SLIT1: variants seen among roughly 807,000 people sequenced by gnomAD.
SLIT1 encodes slit homolog 1 protein.
Under a neutral mutation model 186.1 loss-of-function variants are expected in SLIT1, and 66 were observed. The ratio of observed to expected loss-of-function variants is 0.35; its 90% CI spans 0.29 to 0.44. SLIT1 has a LOEUF of 0.44. Among genes scored for constraint, SLIT1 ranks in the 20% least tolerant of loss-of-function variants. The pLI is 1.00. For synonymous variants in SLIT1, 761 were observed against 833.8 expected (o/e 0.91, Z 1.50); for missense variants, 1,638 against 2,037.4 (o/e 0.80, Z 3.77).
chr10:97,035,282 A>G (rs2134614150), intron 22 of SLIT1, among the ~76,000 whole-genome samples: 1 of 152,192 alleles, frequency 6.6e-6, no homozygotes, highest in South Asian at 2.1e-4. Flanking sequence ...GTTTAGTCCA[A>G]TCTGGGTGCC....
rs182380576 is a variant in SLIT1 at position 97,166,917 on chromosome 10, G to A, written c.198-2027C>T. Among the ~76,000 whole-genome samples, 36 of 152,286 alleles carry A rather than the reference G, an allele frequency of 2.4e-4. No homozygotes were observed. In the East Asian group the frequency reaches 5.2e-3, roughly 22 times the overall value. Reference sequence around the variant, plus strand: ...ATTGACAGAACAGGAATCTGAACCCGTGGCCATCTGACCCGCGGGCCCAGG... The same window carrying A: ...ATTGACAGAACAGGAATCTGAACCCATGGCCATCTGACCCGCGGGCCCAGG... On this transcript the variant is annotated intron_variant, in intron 1 of 36. Coordinates refer to ENST00000266058, the MANE Select transcript of SLIT1 (RefSeq NM_003061.3).
intron 18 of SLIT1, among the ~76,000 whole-genome samples, chr10:97,046,312 C>T (rs1053238934): frequency 2.0e-5 from 3 of 152,198 alleles, no homozygotes; most frequent in African/African-American, 7.2e-5. Flanking sequence ...GGTCATCCAG[C>T]CCCTCCTGCC....
chr10:97,071,483 AT>A (rs1046702083), intron 4 of SLIT1, among the ~76,000 whole-genome samples: 23 of 152,150 alleles, frequency 1.5e-4, no homozygotes, highest in African/African-American at 5.5e-4. Flanking sequence ...AGGTTTTTTT[AT>A]TCGTATTGAT....
intron 4 of SLIT1, among the ~76,000 whole-genome samples, chr10:97,067,441 C>T (rs1378311379): frequency 6.6e-6 from 1 of 152,220 alleles, no homozygotes; most frequent in Non-Finnish European, 1.5e-5. Context: ...CCAGCACTGC[C>T]TGAGTACTTC....
intron 4 of SLIT1, among the ~76,000 whole-genome samples, chr10:97,090,474 G>A (rs904858170): frequency 2.0e-5 from 3 of 152,214 alleles, no homozygotes; most frequent in Non-Finnish European, 2.9e-5. Flanking sequence ...AGCCTCGGAG[G>A]CATGGCTGGG....
intron 13 of SLIT1, 35 bp downstream of exon 13, chr10:97,056,286 G>A (rs1388558374): frequency 6.2e-7 from 1 of 1,611,168 alleles, no homozygotes. Context: ...CCCACCTGCT[G>A]GGAGGGGAGA....
intron 4 of SLIT1, among the ~76,000 whole-genome samples, chr10:97,086,589 AG>A (rs1849162424): frequency 6.6e-6 from 1 of 152,202 alleles, no homozygotes; most frequent in Non-Finnish European, 1.5e-5. Context: ...CCCAAAAAAA[AG>A]AAAGGAAAGG....
chr10:97,184,192 A>C lies in SLIT1; in HGVS notation c.197+1286T>G, dbSNP rs1008943661. On this transcript the variant is annotated intron_variant, in intron 1 of 36. Transcript: ENST00000266058. The surrounding 1 kb of genome is among the most constrained non-coding windows in gnomAD (Gnocchi z 4.4). ...GCCTTGGTACAGAGTCTGATTCGGG[A>C]GACAGCTCTCCTCAGGGTCAGATTT... Among the ~76,000 whole-genome samples, 2 of 152,144 alleles carry C rather than the reference A, an allele frequency of 1.3e-5. No homozygotes were observed. The highest frequency in any genetic ancestry group is 2.9e-5 in the Non-Finnish European group (2 of 68,036).
intron 25 of SLIT1, among the ~76,000 whole-genome samples, chr10:97,030,008 T>C (rs1848577437): frequency 6.6e-6 from 1 of 152,174 alleles, no homozygotes; most frequent in African/African-American, 2.4e-5. Context: ...ATGTAGTACG[T>C]TTTGTTTATC....
At chr10:97,048,869 A>AGGTGGTCT in intron 14 of SLIT1, 86 bp downstream of exon 14, 2 of 1,393,384 alleles carry the variant, frequency 1.4e-6, no homozygotes, top group Non-Finnish European at 2.0e-6. Context: ...GCAGGTGGGC[A>AGGTGGTCT]GGTATGCAGG....
intron 22 of SLIT1, among the ~76,000 whole-genome samples, chr10:97,036,899 G>A (rs1342794412): frequency 2.6e-5 from 4 of 152,206 alleles, no homozygotes; most frequent in East Asian, 1.9e-4. Flanking sequence ...AAGCAGAGGC[G>A]TAGCCTGAAG....
chr10:97,011,463 T>C (rs2134592216), intron 30 of SLIT1, among the ~76,000 whole-genome samples: 1 of 152,152 alleles, frequency 6.6e-6, no homozygotes, highest in South Asian at 2.1e-4. Flanking sequence ...AGGCCAACTG[T>C]CAGCCCCTTC....
chr10:97,183,238 C>T (rs905328060), intron 1 of SLIT1, among the ~76,000 whole-genome samples: 2 of 152,186 alleles, frequency 1.3e-5, no homozygotes, highest in East Asian at 3.9e-4. Flanking sequence ...GGTCCTCTGC[C>T]CAGTTCTCTA....
intron 4 of SLIT1, among the ~76,000 whole-genome samples, chr10:97,094,416 C>T (rs1055638484): frequency 6.6e-6 from 1 of 152,246 alleles, no homozygotes; most frequent in African/African-American, 2.4e-5. Context: ...AACACAGTGA[C>T]CCTGCATAGC....
intron 18 of SLIT1, among the ~76,000 whole-genome samples, chr10:97,044,748 A>C (rs946540744): frequency 6.6e-6 from 1 of 152,192 alleles, no homozygotes; most frequent in Non-Finnish European, 1.5e-5. Flanking sequence ...CCAAAATGAC[A>C]CTTTGTGTTT....
At chr10:97,080,590 C>T (rs547210178) in intron 4 of SLIT1, among the ~76,000 whole-genome samples, 180 of 152,346 alleles carry the variant, frequency 1.2e-3, no homozygotes, top group African/African-American at 4.2e-3. Flanking sequence ...AGGAAGACTC[C>T]AAGCTCCACC....
intron 4 of SLIT1, among the ~76,000 whole-genome samples, chr10:97,125,034 G>GC (rs1210329264): frequency 6.6e-6 from 1 of 152,128 alleles, no homozygotes; most frequent in Non-Finnish European, 1.5e-5. Context: ...ATGTATTTCA[G>GC]CCCATCAAAC....
intron 36 of SLIT1, 81 bp downstream of exon 36, chr10:97,002,077 G>T: frequency 2.1e-6 from 2 of 942,718 alleles, no homozygotes; most frequent in Non-Finnish European, 1.5e-6. Context: ...AAGGGCTGCC[G>T]AGACTGGGAG....
rs143009898 is a variant in SLIT1 at position 97,065,107 on chromosome 10, T to C, written c.486-231A>G. Reference sequence around the variant, plus strand: ...AAAGTTATATTCTTCTACTCAACCTTACATATCCCCTGGGGAGCAGGCACC... The same window carrying C: ...AAAGTTATATTCTTCTACTCAACCTCACATATCCCCTGGGGAGCAGGCACC... On this transcript the variant is annotated intron_variant, in intron 5 of 36. Transcript: ENST00000266058. 4.8e-3 allele frequency among the ~76,000 whole-genome samples: 731 copies of C among 151,456 alleles called. 9 individuals are homozygous for C. The highest frequency in any genetic ancestry group is 0.016 in the African/African-American group (669 of 41,016).
Sources: allele counts gnomAD v4.1 joint callset (sites outside exome capture counted in the v4.1 genomes callset), GRCh38; gene constraint gnomAD v4.1.1; non-coding constraint Gnocchi (gnomAD v3.1); transcripts MANE v1.5; gene names NCBI Gene and HGNC (gene_info 2026-07-23, HGNC 2026-07-21).